Variants in GALNT13 observed in about 807,000 individuals in gnomAD.
GALNT13 encodes the protein polypeptide N-acetylgalactosaminyltransferase 13, also known as UDP-GalNAc:polypeptide N-acetylgalactosaminyltransferase 13.
In GALNT13, 28 loss-of-function variants were observed where a neutral mutation model predicts 64.2. The observed-to-expected ratio is 0.44, with a 90% CI of 0.32 to 0.60. The LOEUF is 0.60. Ranked by LOEUF, GALNT13 falls within the 20% of genes least tolerant of loss-of-function variation. GALNT13 has a pLI of 0.05. For missense variants in GALNT13, 577 were observed against 669.8 expected (o/e 0.86, Z 1.53); for synonymous variants, 214 against 224.6 (o/e 0.95, Z 0.42).
At chr2:153,552,572 CTTCTT>C in the GALNT13 span, among the ~76,000 whole-genome samples, 9 of 93,878 alleles carry the variant, frequency 9.6e-5, no homozygotes, top group African/African-American at 3.8e-4. Flanking sequence ...CCTGCTTCTT[CTTCTT>C]TTTTTTTTTT....
the GALNT13 span, among the ~76,000 whole-genome samples, chr2:153,137,906 T>C: frequency 6.6e-6 from 1 of 151,950 alleles, no homozygotes; most frequent in Non-Finnish European, 1.5e-5. Context: ...ATTCATCTTT[T>C]GGGAAACTGC....
the GALNT13 span, among the ~76,000 whole-genome samples, chr2:153,362,820 G>A: frequency 2.4e-3 from 368 of 151,852 alleles, no homozygotes; most frequent in Non-Finnish European, 4.4e-3. Context: ...AATATTAGAC[G>A]GATCAATTAG....
At chr2:153,071,607 G>A in the GALNT13 span, among the ~76,000 whole-genome samples, 1 of 152,254 alleles carries the variant, frequency 6.6e-6, no homozygotes, top group Non-Finnish European at 1.5e-5. Context: ...GCTCCAGAGT[G>A]GTTTTAACTA....
At chr2:153,992,672 C>T (rs1695238686) in intron 3 of GALNT13, among the ~76,000 whole-genome samples, 1 of 151,974 alleles carries the variant, frequency 6.6e-6, no homozygotes, top group Middle Eastern at 3.2e-3. Context: ...AATTTCTAAA[C>T]AACAAATTGC....
the GALNT13 span, among the ~76,000 whole-genome samples, chr2:153,285,995 G>C: frequency 6.6e-6 from 1 of 152,030 alleles, no homozygotes; most frequent in South Asian, 2.1e-4. Context: ...GCAAATGGTA[G>C]GATGTTTATG....
intron 10 of GALNT13, among the ~76,000 whole-genome samples, chr2:154,403,107 G>T (rs972260973): frequency 6.6e-6 from 1 of 152,054 alleles, no homozygotes; most frequent in Non-Finnish European, 1.5e-5. Context: ...TGCCCCCTAG[G>T]TGTGCATGGC....
chr2:154,430,647 A>G (rs1254898258), intron 11 of GALNT13, among the ~76,000 whole-genome samples: 1 of 152,228 alleles, frequency 6.6e-6, no homozygotes, highest in Non-Finnish European at 1.5e-5. Context: ...GATTAATTCA[A>G]ATTTTGAAAG....
At chr2:153,395,857 T>C in the GALNT13 span, among the ~76,000 whole-genome samples, 384 of 152,224 alleles carry the variant, frequency 2.5e-3, 2 homozygotes, top group Non-Finnish European at 3.4e-3. Flanking sequence ...AGAAGGCAGA[T>C]AGTATTACTG....
chr2:153,071,688 A>G, the GALNT13 span, among the ~76,000 whole-genome samples: 2 of 152,240 alleles, frequency 1.3e-5, no homozygotes, highest in Non-Finnish European at 2.9e-5. Context: ...TTTTCACAAG[A>G]ACATAATCCC....
intron 2 of GALNT13, among the ~76,000 whole-genome samples, chr2:153,902,301 C>G (rs566606966): frequency 6.6e-6 from 1 of 152,106 alleles, no homozygotes; most frequent in African/African-American, 2.4e-5. Flanking sequence ...GATGAAGTCT[C>G]CATTTCTAGA....
the GALNT13 span, among the ~76,000 whole-genome samples, chr2:153,234,757 A>C: frequency 6.6e-6 from 1 of 152,132 alleles, no homozygotes. Context: ...AGAATGCAGC[A>C]CATTGTCCTG....
the GALNT13 span, among the ~76,000 whole-genome samples, chr2:153,631,475 G>A: frequency 6.6e-6 from 1 of 152,150 alleles, no homozygotes; most frequent in Non-Finnish European, 1.5e-5. Flanking sequence ...AGCACCTGTT[G>A]TTTCCTGACT....
At chr2:153,479,649 C>T in the GALNT13 span, among the ~76,000 whole-genome samples, 7 of 152,190 alleles carry the variant, frequency 4.6e-5, no homozygotes, top group African/African-American at 1.7e-4. Context: ...GGCAGTAAAT[C>T]AGTTGTTGAA....
chr2:154,227,044 A>G (rs1688654215), intron 4 of GALNT13, among the ~76,000 whole-genome samples: 1 of 152,108 alleles, frequency 6.6e-6, no homozygotes, highest in Non-Finnish European at 1.5e-5. Flanking sequence ...TTTCTGCTCC[A>G]CTTCATCTAA....
the GALNT13 span, among the ~76,000 whole-genome samples, chr2:153,730,918 G>A: frequency 6.6e-6 from 1 of 151,862 alleles, no homozygotes; most frequent in African/African-American, 2.4e-5. Flanking sequence ...TCAGAGAAAA[G>A]GGCACTGTTA....
At chr2:153,369,685 G>A in the GALNT13 span, among the ~76,000 whole-genome samples, 1 of 152,144 alleles carries the variant, frequency 6.6e-6, no homozygotes, top group African/African-American at 2.4e-5. Context: ...TGAAAGGACC[G>A]TGACTTCCAC....
At chr2:154,411,470 G>A (rs1050633494) in intron 11 of GALNT13, among the ~76,000 whole-genome samples, 1 of 151,672 alleles carries the variant, frequency 6.6e-6, no homozygotes, top group African/African-American at 2.4e-5. Flanking sequence ...ATAGAAAGCT[G>A]TATACCATCA....
the GALNT13 span, among the ~76,000 whole-genome samples, chr2:153,576,783 C>T: frequency 9.7e-3 from 1,472 of 151,718 alleles, 23 homozygotes; most frequent in African/African-American, 0.033. Flanking sequence ...TAAATTGGTG[C>T]GGGGGTTACA....
the GALNT13 span, among the ~76,000 whole-genome samples, chr2:153,130,044 T>A: frequency 1.3e-5 from 2 of 152,038 alleles, no homozygotes; most frequent in Non-Finnish European, 2.9e-5. Flanking sequence ...AGCCTTTGAG[T>A]CCTCCTTAAC....
Sources: allele counts gnomAD v4.1 joint callset (sites outside exome capture counted in the v4.1 genomes callset), GRCh38; gene constraint gnomAD v4.1.1; transcripts MANE v1.5; gene names NCBI Gene and HGNC (gene_info 2026-07-23, HGNC 2026-07-21).